The following ARHGAP10 variants were observed in gnomAD, a reference collection of about 807,000 sequenced individuals.
The protein encoded by ARHGAP10 is Rho GTPase activating protein 10, also known as rho GTPase-activating protein 10.
Under a neutral mutation model 108.6 loss-of-function variants are expected in ARHGAP10, and 87 were observed. The ratio of observed to expected loss-of-function variants is 0.80; its 90% CI spans 0.67 to 0.96. The LOEUF (loss-of-function observed/expected upper bound fraction) is 0.96, where lower values mean the gene tolerates loss of function less well. ARHGAP10 is among the 40% of genes least tolerant of loss of function. The probability of loss-of-function intolerance (pLI) is 0.00; values close to 1 mark genes in which losing one functional copy is unlikely to be tolerated. For synonymous variants in ARHGAP10, 347 were observed against 341.1 expected, an observed-to-expected ratio of 1.02 and a Z score of -0.19; for missense variants, 939 against 954.5, an observed-to-expected ratio of 0.98 and a Z score of 0.21.
At chr4:147,919,675 T>G (rs1368945703) in intron 13 of ARHGAP10, among the ~76,000 whole-genome samples, 1 of 151,954 alleles carries the variant, frequency 6.6e-6, no homozygotes, top group East Asian at 1.9e-4. Flanking sequence ...GCCTCCCGGG[T>G]TCAAGTGATT....
At chr4:147,852,704 C>CTT (rs869139032) in intron 4 of ARHGAP10, among the ~76,000 whole-genome samples, 2 of 105,518 alleles carry the variant, frequency 1.9e-5, no homozygotes, top group Admixed American at 1.4e-4. Context: ...CATCACCAAA[C>CTT]TTTTTTTTTT....
intron 4 of ARHGAP10, among the ~76,000 whole-genome samples, chr4:147,853,438 C>T (rs945409054): frequency 1.3e-5 from 2 of 152,186 alleles, no homozygotes; most frequent in African/African-American, 4.8e-5. Flanking sequence ...TCCATCTCCT[C>T]ATCCTAAACA....
chr4:147,760,862 G>A (rs1321709925), intron 1 of ARHGAP10, among the ~76,000 whole-genome samples: 3 of 152,218 alleles, frequency 2.0e-5, no homozygotes, highest in Admixed American at 2.0e-4. Context: ...GCTGAGAGAT[G>A]GTAGTTCCTG....
At chr4:147,819,148 A>G (rs995738971) in intron 1 of ARHGAP10, among the ~76,000 whole-genome samples, 2 of 152,212 alleles carry the variant, frequency 1.3e-5, no homozygotes, top group Non-Finnish European at 2.9e-5. Context: ...AAATTGGTGC[A>G]TTTCAGTTTT....
At chr4:148,068,511 G>A (rs956817649) in intron 22 of ARHGAP10, among the ~76,000 whole-genome samples, 7 of 152,126 alleles carry the variant, frequency 4.6e-5, no homozygotes, top group Admixed American at 2.0e-4. Flanking sequence ...AATATCGAGT[G>A]AAAAAATAAG....
chr4:147,887,696 T>C (rs1253203290), intron 10 of ARHGAP10, among the ~76,000 whole-genome samples: 1 of 151,852 alleles, frequency 6.6e-6, no homozygotes, highest in Non-Finnish European at 1.5e-5. Context: ...ACCCCATCTC[T>C]ACTAAAAATA....
chr4:147,801,992 C>G (rs1328939740), intron 1 of ARHGAP10, among the ~76,000 whole-genome samples: 1 of 152,218 alleles, frequency 6.6e-6, no homozygotes, highest in Non-Finnish European at 1.5e-5. Context: ...CCCTGAGGCA[C>G]AGCAAGAACT....
chr4:147,808,239 G>A (rs1192933771), intron 1 of ARHGAP10, among the ~76,000 whole-genome samples: 1 of 152,084 alleles, frequency 6.6e-6, no homozygotes, highest in Non-Finnish European at 1.5e-5. Flanking sequence ...CAGGTTGTAT[G>A]TGGGTTTTGG....
intron 1 of ARHGAP10, among the ~76,000 whole-genome samples, chr4:147,777,473 G>T (rs1338111908): frequency 6.6e-6 from 1 of 152,034 alleles, no homozygotes; most frequent in Non-Finnish European, 1.5e-5. Context: ...GTGTTAGCCA[G>T]GATGGTCTCC....
chr4:147,797,658 G>A (rs1315625987), intron 1 of ARHGAP10, among the ~76,000 whole-genome samples: 1 of 152,044 alleles, frequency 6.6e-6, no homozygotes, highest in South Asian at 2.1e-4. Flanking sequence ...TGATCTGCCC[G>A]CCTCAGCCTC....
chr4:147,971,549 A>C (rs1474555240), intron 18 of ARHGAP10, among the ~76,000 whole-genome samples: 2 of 152,146 alleles, frequency 1.3e-5, no homozygotes, highest in African/African-American at 4.8e-5. Context: ...TCAGTTTTAT[A>C]ATGGAGTTTG....
intron 18 of ARHGAP10, among the ~76,000 whole-genome samples, chr4:147,988,864 C>T (rs919149297): frequency 3.3e-5 from 5 of 152,166 alleles, no homozygotes; most frequent in Admixed American, 6.5e-5. Flanking sequence ...GGGCCAGCCA[C>T]CAAGGAAACC....
Position 147,966,769 on chromosome 4 carries a change from C to T in ARHGAP10, c.1646C>T (p.Thr549Ile). Residue 549 changes from threonine (T) to isoleucine (I), a missense_variant, in exon 18 of 23, where the codon ACT (threonine) becomes ATT (isoleucine). Transcript: ENST00000336498. ...GPTLMRPQEETVAALMDLKFQ... is the reference protein window; with the variant it reads ...GPTLMRPQEEIVAALMDLKFQ... ...ACTCTGATGAGGCCACAGGAAGAAA[C>T]TGTCGCTGCCCTCATGGACTTGAAG... 1.2e-6 allele frequency: 2 copies of T among 1,607,298 alleles called. No individual in the cohort carries two copies. The highest frequency in any genetic ancestry group is 1.7e-6 in the Non-Finnish European group (2 of 1,175,222).
chr4:147,964,524 A>G (rs2126996008), intron 16 of ARHGAP10, among the ~76,000 whole-genome samples: 1 of 152,286 alleles, frequency 6.6e-6, no homozygotes, highest in Admixed American at 6.5e-5. Flanking sequence ...ACCTGATGTC[A>G]TTAAATCCCA....
chr4:147,790,393 T>C (rs1054575348), intron 1 of ARHGAP10, among the ~76,000 whole-genome samples: 33 of 152,240 alleles, frequency 2.2e-4, no homozygotes, highest in African/African-American at 7.7e-4. Context: ...TCGTAACACC[T>C]AGTAATACCT....
At chr4:147,846,155 C>T (rs993887474) in intron 3 of ARHGAP10, among the ~76,000 whole-genome samples, 9 of 152,118 alleles carry the variant, frequency 5.9e-5, no homozygotes, top group African/African-American at 1.2e-4. Flanking sequence ...TGGGCATAGT[C>T]GCTTATTTTG....
chr4:148,004,164 T>A (rs1048192906), intron 18 of ARHGAP10, among the ~76,000 whole-genome samples: 13 of 152,216 alleles, frequency 8.5e-5, no homozygotes, highest in African/African-American at 2.9e-4. Flanking sequence ...GAATCCAGTC[T>A]GGACAACATA....
chr4:147,794,614 T>A (rs1261467414), intron 1 of ARHGAP10, among the ~76,000 whole-genome samples: 8 of 152,204 alleles, frequency 5.3e-5, no homozygotes, highest in Non-Finnish European at 4.4e-5. Context: ...TTGGTTTTTG[T>A]GTTTTCTGGA....
chr4:148,054,672 C>A (rs1171376379), intron 20 of ARHGAP10, among the ~76,000 whole-genome samples: 5 of 152,200 alleles, frequency 3.3e-5, no homozygotes, highest in African/African-American at 4.8e-5. Context: ...TCTCTCCTAG[C>A]CTCTTGCTTT....
Sources: allele counts gnomAD v4.1 joint callset (sites outside exome capture counted in the v4.1 genomes callset), GRCh38; gene constraint gnomAD v4.1.1; transcripts MANE v1.5; gene names NCBI Gene and HGNC (gene_info 2026-07-23, HGNC 2026-07-21).